ENTREP2: variants seen among roughly 807,000 people sequenced by gnomAD.
ENTREP2 encodes endosomal transmembrane epsin interactor 2.
the ENTREP2 span, among the ~76,000 whole-genome samples, chr15:29,152,782 G>C: frequency 6.6e-6 from 1 of 152,028 alleles, no homozygotes; most frequent in African/African-American, 2.4e-5. Flanking sequence ...ATAAGTTTTT[G>C]TTTCTCCGAG....
the ENTREP2 span, among the ~76,000 whole-genome samples, chr15:29,472,005 C>T: frequency 1.3e-5 from 2 of 152,112 alleles, no homozygotes. Flanking sequence ...GAGGGTGGAA[C>T]ACAGCAGCAC....
At chr15:29,587,952 C>T in the ENTREP2 span, among the ~76,000 whole-genome samples, 11 of 152,294 alleles carry the variant, frequency 7.2e-5, no homozygotes, top group Admixed American at 5.2e-4. Flanking sequence ...AGCCACCACG[C>T]CCGGCTGGAA....
the ENTREP2 span, among the ~76,000 whole-genome samples, chr15:29,179,310 A>G: frequency 2.0e-5 from 3 of 152,278 alleles, no homozygotes; most frequent in Non-Finnish European, 4.4e-5. Flanking sequence ...AGCCATGTGC[A>G]AATGCACAAT....
the ENTREP2 span, chr15:29,117,925 G>GATC: frequency 6.7e-6 from 1 of 149,156 alleles, no homozygotes; most frequent in Admixed American, 6.7e-5. Context: ...CTTTAAAATC[G>GATC]ATCTACACAC....
At chr15:29,314,857 T>C in the ENTREP2 span, among the ~76,000 whole-genome samples, 2 of 152,016 alleles carry the variant, frequency 1.3e-5, no homozygotes, top group Non-Finnish European at 2.9e-5. Flanking sequence ...TTTGAGACGA[T>C]CCTGGGCAAC....
the ENTREP2 span, among the ~76,000 whole-genome samples, chr15:29,657,979 AAG>A: frequency 7.3e-6 from 1 of 137,252 alleles, no homozygotes; most frequent in African/African-American, 2.8e-5. Context: ...TAATACGTGA[AAG>A]AAGTCAGATT....
At chr15:29,447,323 C>T in the ENTREP2 span, among the ~76,000 whole-genome samples, 1 of 152,210 alleles carries the variant, frequency 6.6e-6, no homozygotes, top group Non-Finnish European at 1.5e-5. Context: ...TCTACCACCT[C>T]TGCTGATCAG....
At chr15:29,570,717 G>C in the ENTREP2 span, 1 of 1,036,398 alleles carries the variant, frequency 9.6e-7, no homozygotes, top group Non-Finnish European at 1.2e-6. Context: ...CCGCCGGCCG[G>C]AGGCATCGCG....
At chr15:29,584,105 A>C in the ENTREP2 span, among the ~76,000 whole-genome samples, 1 of 152,236 alleles carries the variant, frequency 6.6e-6, no homozygotes, top group Non-Finnish European at 1.5e-5. Context: ...ATGCACAGAT[A>C]GGGAGAAAAT....
chr15:29,274,187 A>T, the ENTREP2 span, among the ~76,000 whole-genome samples: 4 of 152,160 alleles, frequency 2.6e-5, no homozygotes, highest in Admixed American at 6.5e-5. Context: ...CTACTATACA[A>T]AGTGAATGGT....
the ENTREP2 span, among the ~76,000 whole-genome samples, chr15:29,486,397 G>T: frequency 6.6e-6 from 1 of 152,128 alleles, no homozygotes; most frequent in East Asian, 1.9e-4. Context: ...AGAAAAAAAA[G>T]AATGAAATCC....
the ENTREP2 span, among the ~76,000 whole-genome samples, chr15:29,289,411 G>C: frequency 1.3e-5 from 2 of 152,070 alleles, no homozygotes; most frequent in African/African-American, 4.8e-5. Context: ...ACAACATCAA[G>C]TGCGGGTGAT....
the ENTREP2 span, among the ~76,000 whole-genome samples, chr15:29,224,846 C>A: frequency 9.2e-4 from 140 of 152,274 alleles, 1 homozygote; most frequent in African/African-American, 3.2e-3. Context: ...GAGCAGGGGG[C>A]GGTGCACACT....
chr15:29,365,713 G>T, the ENTREP2 span, among the ~76,000 whole-genome samples: 3 of 148,770 alleles, frequency 2.0e-5, no homozygotes, highest in South Asian at 2.4e-4. Flanking sequence ...GCTCTGATTT[G>T]TCTTTGTCCT....
chr15:29,343,660 C>T, the ENTREP2 span, among the ~76,000 whole-genome samples: 496 of 152,120 alleles, frequency 3.3e-3, 2 homozygotes, highest in Non-Finnish European at 5.7e-3. Flanking sequence ...CTGATTAACA[C>T]GGGAACACTT....
the ENTREP2 span, among the ~76,000 whole-genome samples, chr15:29,530,942 T>C: frequency 3.3e-5 from 5 of 152,154 alleles, no homozygotes; most frequent in African/African-American, 1.2e-4. Flanking sequence ...TCGATCCAGT[T>C]AGCATTTCAA....
the ENTREP2 span, among the ~76,000 whole-genome samples, chr15:29,647,924 G>A: frequency 6.6e-6 from 1 of 152,106 alleles, no homozygotes; most frequent in Non-Finnish European, 1.5e-5. Context: ...ATAGGATTTG[G>A]GAAACTTAAG....
At chr15:29,330,457 T>A in the ENTREP2 span, among the ~76,000 whole-genome samples, 441 of 151,766 alleles carry the variant, frequency 2.9e-3, 2 homozygotes, top group African/African-American at 0.01. Flanking sequence ...TCAAAAAAAA[T>A]AAATAAATAA....
chr15:29,607,926 C>A, the ENTREP2 span, among the ~76,000 whole-genome samples: 1 of 152,002 alleles, frequency 6.6e-6, no homozygotes. Context: ...CACAATAGGC[C>A]GTCTGCAAGC....
Sources: allele counts gnomAD v4.1 joint callset (sites outside exome capture counted in the v4.1 genomes callset), GRCh38; gene constraint gnomAD v4.1.1; transcripts MANE v1.5; gene names NCBI Gene and HGNC (gene_info 2026-07-23, HGNC 2026-07-21).